Variants in GMDS observed in about 807,000 individuals in gnomAD.
GMDS encodes GDP-mannose 4,6 dehydratase.
Under a neutral mutation model 49.9 loss-of-function variants are expected in GMDS, and 20 were observed. That is an observed-to-expected ratio of 0.40 (90% confidence interval 0.28 to 0.58). The LOEUF is 0.58. GMDS is among the 20% of genes least tolerant of loss of function. The pLI is 0.42. For missense variants in GMDS, 362 were observed against 481.4 expected (o/e 0.75, Z 2.32); for synonymous variants, 177 against 178.6 (o/e 0.99, Z 0.07).
intron 7 of GMDS, among the ~76,000 whole-genome samples, chr6:1,795,707 C>G (rs1160938969): frequency 6.6e-6 from 1 of 152,158 alleles, no homozygotes; most frequent in Non-Finnish European, 1.5e-5. Flanking sequence ...GTATAATAAG[C>G]TTTGCAATTT....
intron 4 of GMDS, among the ~76,000 whole-genome samples, chr6:1,977,859 C>A (rs962287471): frequency 2.0e-5 from 3 of 152,114 alleles, no homozygotes; most frequent in Non-Finnish European, 4.4e-5. Context: ...AGACACAGAC[C>A]CAGAAGCTTT....
At chr6:1,874,612 T>C (rs1758940612) in intron 7 of GMDS, among the ~76,000 whole-genome samples, 2 of 152,162 alleles carry the variant, frequency 1.3e-5, no homozygotes, top group African/African-American at 4.8e-5. Context: ...TATATGTCAG[T>C]AACCCTTTAA....
chr6:1,831,306 G>C (rs1376156032), intron 7 of GMDS, among the ~76,000 whole-genome samples: 1 of 152,236 alleles, frequency 6.6e-6, no homozygotes, highest in African/African-American at 2.4e-5. Flanking sequence ...AAGAATGCCT[G>C]TACTCTGGAT....
chr6:1,834,914 GT>G (rs1756853950), intron 7 of GMDS, among the ~76,000 whole-genome samples: 1 of 152,054 alleles, frequency 6.6e-6, no homozygotes, highest in Non-Finnish European at 1.5e-5. Context: ...CACTATTCTT[GT>G]TTTTTCAACT....
At chr6:1,787,109 C>T (rs903039883) in intron 7 of GMDS, among the ~76,000 whole-genome samples, 1 of 152,338 alleles carries the variant, frequency 6.6e-6, no homozygotes, top group Non-Finnish European at 1.5e-5. Context: ...TGAACATTTA[C>T]TGCATGTTTT....
chr6:1,650,760 G>C (rs978015791), intron 9 of GMDS, among the ~76,000 whole-genome samples: 1 of 151,666 alleles, frequency 6.6e-6, no homozygotes, highest in African/African-American at 2.4e-5. Context: ...TGTATTTTTA[G>C]TAGAGATGGG....
At chr6:2,094,564 T>A (rs1773489510) in intron 4 of GMDS, among the ~76,000 whole-genome samples, 1 of 108,510 alleles carries the variant, frequency 9.2e-6, no homozygotes, top group African/African-American at 3.1e-5. Flanking sequence ...ATGACCTAAG[T>A]ACTTGGAAAA....
intron 4 of GMDS, among the ~76,000 whole-genome samples, chr6:2,039,401 A>C (rs1769514017): frequency 6.6e-6 from 1 of 152,212 alleles, no homozygotes. Context: ...TATTAAAGTC[A>C]CAAAAATATA....
chr6:1,933,092 T>A (rs1762371380), intron 6 of GMDS, among the ~76,000 whole-genome samples: 1 of 152,212 alleles, frequency 6.6e-6, no homozygotes, highest in African/African-American at 2.4e-5. Context: ...ATCTCTAGAT[T>A]TGCCTATTCT....
chr6:2,078,671 T>C (rs1772489092), intron 4 of GMDS, among the ~76,000 whole-genome samples: 1 of 152,120 alleles, frequency 6.6e-6, no homozygotes, highest in East Asian at 1.9e-4. Context: ...TTACCTATTT[T>C]GTGGCCTAAC....
intron 9 of GMDS, among the ~76,000 whole-genome samples, chr6:1,722,062 C>CTTTT (rs11356149): frequency 7.5e-5 from 6 of 80,226 alleles, no homozygotes; most frequent in African/African-American, 1.1e-4. Context: ...GCTATCACGT[C>CTTTT]TTTTTTTTTT....
chr6:2,049,048 G>T (rs1770198008), intron 4 of GMDS, among the ~76,000 whole-genome samples: 1 of 152,118 alleles, frequency 6.6e-6, no homozygotes, highest in Non-Finnish European at 1.5e-5. Flanking sequence ...CCTGCCACAT[G>T]GGGACACGAC....
chr6:2,114,043 C>G (rs1440083144), intron 4 of GMDS, among the ~76,000 whole-genome samples: 1 of 152,162 alleles, frequency 6.6e-6, no homozygotes, highest in African/African-American at 2.4e-5. Context: ...ATCATGATCA[C>G]TACAACTAAG....
chr6:1,945,171 T>A (rs138525225), intron 6 of GMDS, among the ~76,000 whole-genome samples: 1 of 152,036 alleles, frequency 6.6e-6, no homozygotes, highest in Non-Finnish European at 1.5e-5. Context: ...TACTAAGGAA[T>A]GAAAAATGCA....
rs992871804 is a variant in GMDS, at chr6:1,836,749, T to G, written c.771+93354A>C. 2.6e-5 allele frequency among the ~76,000 whole-genome samples: 4 copies of G among 152,216 alleles called. No homozygotes were observed. The highest frequency in any genetic ancestry group is 9.7e-5 in the African/African-American group (4 of 41,450). ...AAACTCTATGGACTCTGGCAAACCC[T>G]TCATTCTTTTGCAGCCAAGCTCTCA... On this transcript the variant is annotated intron_variant, in intron 7 of 10. Transcript: ENST00000380815. This position sits in a 1 kb window ranked among gnomAD's most constrained non-coding sequence, Gnocchi z 4.2.
intron 6 of GMDS, among the ~76,000 whole-genome samples, chr6:1,957,299 C>T (rs1214548855): frequency 1.3e-5 from 2 of 152,030 alleles, no homozygotes; most frequent in African/African-American, 2.4e-5. Flanking sequence ...TAGGCATTGC[C>T]TGGAAGCTGG....
At chr6:1,741,568 T>G (rs921184836) in intron 8 of GMDS, among the ~76,000 whole-genome samples, 1 of 152,082 alleles carries the variant, frequency 6.6e-6, no homozygotes, top group South Asian at 2.1e-4. Flanking sequence ...CCCAGCACTT[T>G]GGGAGGCCAA....
intron 7 of GMDS, among the ~76,000 whole-genome samples, chr6:1,858,244 C>T (rs756049108): frequency 6.6e-6 from 1 of 152,014 alleles, no homozygotes; most frequent in African/African-American, 2.4e-5. Flanking sequence ...TTAGACGTTA[C>T]CCCTCATTTC....
intron 4 of GMDS, among the ~76,000 whole-genome samples, chr6:2,077,016 C>T (rs1426658421): frequency 6.6e-6 from 1 of 151,962 alleles, no homozygotes; most frequent in Non-Finnish European, 1.5e-5. Context: ...TCTTTACCTC[C>T]TTGGTTAAAT....
Sources: gnomAD v4.1 joint callset for allele counts (sites outside exome capture counted in the v4.1 genomes callset) on GRCh38, gnomAD v4.1.1 for gene constraint, Gnocchi (gnomAD v3.1) non-coding constraint, MANE v1.5 for transcripts, NCBI Gene and HGNC (gene_info 2026-07-23, HGNC 2026-07-21) for gene names.